UNC79: variants seen among roughly 807,000 people sequenced by gnomAD.
The protein encoded by UNC79 is unc-79 subunit of NALCN channel complex, also known as protein unc-79 homolog.
A neutral mutation model predicts 283.1 loss-of-function variants in UNC79; 37 were observed. The observed-to-expected ratio is 0.13, with a 90% CI of 0.10 to 0.17. The LOEUF (loss-of-function observed/expected upper bound fraction) is 0.17, where lower values mean the gene tolerates loss of function less well. Ranked by LOEUF, UNC79 falls within the 10% of genes least tolerant of loss-of-function variation. UNC79 has a pLI of 1.00. For missense variants in UNC79, 2,272 were observed against 3,211.1 expected (o/e 0.71, Z 7.07); for synonymous variants, 1,107 against 1,200.2 (o/e 0.92, Z 1.61).
At chr14:93,492,282 G>A (rs1230787561) in intron 5 of UNC79, among the ~76,000 whole-genome samples, 11 of 152,208 alleles carry the variant, frequency 7.2e-5, no homozygotes, top group African/African-American at 1.2e-4. Context: ...GAAGGAGGGA[G>A]CTGTATGGAT....
intron 11 of UNC79, among the ~76,000 whole-genome samples, chr14:93,534,478 C>T (rs2060975881): frequency 6.6e-6 from 1 of 152,110 alleles, no homozygotes; most frequent in South Asian, 2.1e-4. Flanking sequence ...GGGTCCTGAG[C>T]CCCCAAAGCC....
intron 14 of UNC79, among the ~76,000 whole-genome samples, chr14:93,567,967 A>G (rs1329046367): frequency 6.6e-6 from 1 of 152,350 alleles, no homozygotes; most frequent in East Asian, 1.9e-4. Flanking sequence ...GATCACAGGT[A>G]GGTGAGAGAC....
At chr14:93,528,161 A>G (rs1957670) in intron 8 of UNC79, among the ~76,000 whole-genome samples, 12,130 of 152,278 alleles carry the variant, frequency 0.08, 569 homozygotes, top group Middle Eastern at 0.18. Context: ...TGAAATCTTA[A>G]TAATATATTT....
intron 1 of UNC79, among the ~76,000 whole-genome samples, chr14:93,405,968 G>A (rs76412741): frequency 0.013 from 1,937 of 152,198 alleles, 45 homozygotes; most frequent in African/African-American, 0.044. Context: ...GTGATTCCTG[G>A]GACATTGATC....
chr14:93,618,394 A>C, intron 29 of UNC79, 40 bp downstream of exon 30: 1 of 1,537,420 alleles, frequency 6.5e-7, no homozygotes, highest in Non-Finnish European at 8.7e-7. Flanking sequence ...GCTTCAATAC[A>C]TAATAGATTT....
intron 7 of UNC79, among the ~76,000 whole-genome samples, chr14:93,501,733 C>T (rs902216060): frequency 4.6e-5 from 7 of 151,938 alleles, no homozygotes; most frequent in Non-Finnish European, 7.4e-5. Flanking sequence ...GGAAAAACAC[C>T]ACCACCATCC....
exon 19 of UNC79, chr14:93,580,293 T>C (rs2063720127): frequency 3.1e-6 from 5 of 1,614,236 alleles, no homozygotes; most frequent in Non-Finnish European, 4.2e-6. Context: ...CGAGTGCAAC[T>C]TATGTCAGTC....
chr14:93,381,647 C>G (rs185768288), intron 1 of UNC79, among the ~76,000 whole-genome samples: 5 of 152,312 alleles, frequency 3.3e-5, no homozygotes, highest in Admixed American at 3.3e-4. Flanking sequence ...GTTGAGAATA[C>G]TTCAGTGGGA....
At chr14:93,355,699 A>G (rs1268384018) in intron 1 of UNC79, among the ~76,000 whole-genome samples, 15 of 152,208 alleles carry the variant, frequency 9.9e-5, no homozygotes, top group Admixed American at 9.8e-4. Context: ...ATCCAGGTTC[A>G]GCTTCATCTC....
At chr14:93,589,154 C>A (rs1202894561) in intron 22 of UNC79, among the ~76,000 whole-genome samples, 1 of 152,112 alleles carries the variant, frequency 6.6e-6, no homozygotes, top group Non-Finnish European at 1.5e-5. Flanking sequence ...TTAGCTAGCA[C>A]CAGTTTGCAG....
rs2057883539 is a variant in UNC79 at position 93,477,741 on chromosome 14, T to TAGTA, written c.619+13_619+14insAGTA. The TAGTA allele has an allele frequency of 6.2e-7, 1 of 1,605,032 alleles. No homozygotes were observed. The highest frequency in any genetic ancestry group is 1.7e-5 in the Admixed American group (1 of 58,690). ...CCAATGGCTATATGTAAGTCCAATC[T>TAGTA]TACCTAATACTAGATTATTTTTATG... On this transcript the variant is annotated intron_variant, in intron 4 of 48. Transcript: ENST00000555664.
chr14:93,335,463 A>G (rs980195344), intron 1 of UNC79, among the ~76,000 whole-genome samples: 3 of 152,258 alleles, frequency 2.0e-5, no homozygotes, highest in African/African-American at 7.2e-5. Flanking sequence ...TCTAAATAAG[A>G]AGACAGAGTG....
chr14:93,435,840 C>G (rs2140111063), intron 1 of UNC79, among the ~76,000 whole-genome samples: 1 of 152,298 alleles, frequency 6.6e-6, no homozygotes, highest in Middle Eastern at 3.4e-3. Context: ...TCCAATGCAT[C>G]ATGTTCTTTT....
At chr14:93,527,623 T>A (rs1036458994) in intron 8 of UNC79, among the ~76,000 whole-genome samples, 1 of 152,166 alleles carries the variant, frequency 6.6e-6, no homozygotes, top group South Asian at 2.1e-4. Context: ...GTTTAGGTGA[T>A]TTCCCCCCTT....
chr14:93,665,179 G>A (rs1360950624), intron 40 of UNC79, among the ~76,000 whole-genome samples: 1 of 148,018 alleles, frequency 6.8e-6, no homozygotes, highest in African/African-American at 2.5e-5. Flanking sequence ...TAAATGATAA[G>A]CATATGAAAA....
At chr14:93,366,496 CA>C (rs1486981143) in intron 1 of UNC79, among the ~76,000 whole-genome samples, 5 of 151,666 alleles carry the variant, frequency 3.3e-5, no homozygotes, top group Non-Finnish European at 7.4e-5. Context: ...TTGAGGCGAC[CA>C]TTCAGAAATA....
chr14:93,412,919 T>C (rs2055364680), intron 1 of UNC79, among the ~76,000 whole-genome samples: 1 of 152,140 alleles, frequency 6.6e-6, no homozygotes, highest in Non-Finnish European at 1.5e-5. Flanking sequence ...AAAATGGATG[T>C]TAATGAGCAA....
chr14:93,521,522 A>T lies in UNC79; in HGVS notation c.899-2456A>T, dbSNP rs75480492. Among the ~76,000 whole-genome samples, 500 of 151,848 alleles carry T rather than the reference A, an allele frequency of 3.3e-3. 9 individuals carry two copies. In the South Asian group the frequency reaches 0.049, roughly 15 times the overall value. ...CTATTCTGCTTATCTTTCCCTTTCT[A>T]GGGCCAAGGTCTGGAAGTTACTGTC... On this transcript the variant is annotated intron_variant, in intron 7 of 48. Transcript: ENST00000555664.
At chr14:93,496,602 A>G in intron 6 of UNC79, 136 bp downstream of exon 6, 1 of 503,146 alleles carries the variant, frequency 2.0e-6, no homozygotes, top group Non-Finnish European at 3.4e-6. Flanking sequence ...AGAACCTATA[A>G]TTCTTTCTTT....
Sources: allele counts gnomAD v4.1 joint callset (sites outside exome capture counted in the v4.1 genomes callset), GRCh38; gene constraint gnomAD v4.1.1; transcripts MANE v1.5; gene names NCBI Gene and HGNC (gene_info 2026-07-23, HGNC 2026-07-21).